ARFGEF2: variants seen among roughly 807,000 people sequenced by gnomAD.
ARFGEF2 encodes ARF guanine nucleotide exchange factor 2.
A neutral mutation model predicts 219.9 loss-of-function variants in ARFGEF2; 74 were observed. That is an observed-to-expected ratio of 0.34 (90% CI 0.28 to 0.41). The LOEUF (loss-of-function observed/expected upper bound fraction) is 0.41, where lower values mean the gene tolerates loss of function less well. ARFGEF2 is among the 10% of genes least tolerant of loss of function. The probability of loss-of-function intolerance (pLI) is 1.00; values close to 1 mark genes in which losing one functional copy is unlikely to be tolerated. For synonymous variants in ARFGEF2, 733 were observed against 799.2 expected, an observed-to-expected ratio of 0.92 and a Z score of 1.40; for missense variants, 1,743 against 2,218.3, an observed-to-expected ratio of 0.79 and a Z score of 4.30.
At position 48,982,854 on chromosome 20, in the gene ARFGEF2, G is replaced by A. The variant is rs189634462; in HGVS notation, c.1959-1875G>A. Among the ~76,000 whole-genome samples, 23 of 152,294 alleles carry A rather than the reference G, an allele frequency of 1.5e-4. No individual in the cohort carries two copies. The East Asian group carries it at 3.7e-3, about 24-fold the overall frequency. On this transcript the variant is annotated intron_variant, in intron 14 of 38. Transcript: ENST00000371917. ...GCCATTTGCTAAGACCATTGGAGAA[G>A]TGCAGTATTTGGGCAGGAGTGTCCC...
Position 48,953,694 on chromosome 20 carries a change from A to G in ARFGEF2, c.742A>G (p.Thr248Ala). Residue 248 changes from threonine (T) to alanine (A), a missense_variant, in exon 6 of 39, where the codon ACA (threonine) becomes GCA (alanine). Physicochemically the swap from Thr to Ala is moderately conservative, Grantham distance 58. Around this residue, in one of 5 missense-constraint regions of ARFGEF2, gnomAD observed 394 missense variants for 426.6 expected, o/e 0.92. Transcript: ENST00000371917. ...AAGCAAACCAACAACTCCCGAAAAA[A>G]CAGATTTAACCAACGGTGAACATGC... Reference protein sequence around the residue: ...AQSKPTTPEKTDLTNGEHARS... With the variant: ...AQSKPTTPEKADLTNGEHARS... 6.2e-7 allele frequency: 1 copy of G among 1,614,172 alleles called. No individual in the cohort carries two copies. Among genetic ancestry groups the G allele is most frequent in the South Asian group, 1.1e-5 (1 of 91,076 alleles).
At chr20:48,935,946 G>T (rs1353304997) in intron 1 of ARFGEF2, among the ~76,000 whole-genome samples, 2 of 138,762 alleles carry the variant, frequency 1.4e-5, no homozygotes, top group African/African-American at 2.9e-5. Flanking sequence ...CCGGGGGGGG[G>T]GGCTGACCCC....
intron 1 of ARFGEF2, among the ~76,000 whole-genome samples, chr20:48,935,814 C>T (rs1191656399): frequency 2.2e-5 from 3 of 138,954 alleles, no homozygotes; most frequent in African/African-American, 5.5e-5. Flanking sequence ...GCTGGCCGGG[C>T]GGGGGGCTGA....
chr20:48,929,402 A>G (rs1406735842), intron 1 of ARFGEF2, among the ~76,000 whole-genome samples: 2 of 152,266 alleles, frequency 1.3e-5, no homozygotes, highest in African/African-American at 2.4e-5. Flanking sequence ...TGACTAAACC[A>G]GACCCAACAT....
chr20:48,959,497 C>G (rs1456165101), intron 6 of ARFGEF2, among the ~76,000 whole-genome samples: 2 of 52,662 alleles, frequency 3.8e-5, no homozygotes, highest in Non-Finnish European at 3.9e-5. Flanking sequence ...CTCCCTCCCT[C>G]CTTCCTTCCC....
At chr20:49,013,720 C>T (rs2091514485) in intron 29 of ARFGEF2, 26 bp downstream of exon 29, 1 of 1,613,904 alleles carries the variant, frequency 6.2e-7, no homozygotes, top group Non-Finnish European at 8.5e-7. Flanking sequence ...TGCGGTGGCC[C>T]CTTACATCAC....
At chr20:48,967,592 C>T (rs2091196035) in intron 8 of ARFGEF2, among the ~76,000 whole-genome samples, 1 of 152,164 alleles carries the variant, frequency 6.6e-6, no homozygotes, top group Non-Finnish European at 1.5e-5. Flanking sequence ...GACCCCATCT[C>T]ATAAATAAAT....
intron 2 of ARFGEF2, 104 bp downstream of exon 2, chr20:48,941,333 A>G: frequency 2.4e-6 from 3 of 1,230,316 alleles, no homozygotes; most frequent in Non-Finnish European, 3.5e-6. Flanking sequence ...TCTAATCCTC[A>G]GGGGTGGCAC....
At chr20:49,006,246 A>T (rs2091458754) in intron 26 of ARFGEF2, among the ~76,000 whole-genome samples, 1 of 152,148 alleles carries the variant, frequency 6.6e-6, no homozygotes, top group Admixed American at 6.6e-5. Context: ...GTGAGCCAAG[A>T]TCACACCATT....
chr20:49,015,658 CTG>C (rs1227749061), intron 30 of ARFGEF2, among the ~76,000 whole-genome samples: 1 of 152,206 alleles, frequency 6.6e-6, no homozygotes, highest in Non-Finnish European at 1.5e-5. Context: ...GCAGATATCT[CTG>C]TAGCCATTTA....
At position 49,013,922 on chromosome 20, in the gene ARFGEF2, A is replaced by G; in HGVS notation, c.4141A>G (p.Ile1381Val). 6.2e-7 allele frequency: 1 copy of G among 1,613,986 alleles called. No homozygotes were observed. Among genetic ancestry groups the G allele is most frequent in the South Asian group, 1.1e-5 (1 of 91,070 alleles). ...WQDLFRIVFR[I>V]FDNMKLPEQL... is the part of the protein sequence containing the mutation. Reference sequence around the variant, plus strand: ...GGACCTGTTCAGAATCGTGTTTCGGATTTTTGACAATATGAAACTCCCTGA... The same window carrying G: ...GGACCTGTTCAGAATCGTGTTTCGGGTTTTTGACAATATGAAACTCCCTGA... The change falls in exon 30 of 39, where the codon ATT becomes GTT. Residue 1381 changes from isoleucine (I) to valine (V), a missense_variant. Transcript: ENST00000371917.
At chr20:48,932,124 G>A (rs1056106829) in intron 1 of ARFGEF2, among the ~76,000 whole-genome samples, 8 of 152,164 alleles carry the variant, frequency 5.3e-5, no homozygotes, top group African/African-American at 1.9e-4. Flanking sequence ...TCCTGAGAAG[G>A]CGGATAGGGA....
At chr20:49,032,767 A>G (rs1009788936) in intron 38 of ARFGEF2, among the ~76,000 whole-genome samples, 1 of 151,792 alleles carries the variant, frequency 6.6e-6, no homozygotes, top group Non-Finnish European at 1.5e-5. Context: ...AAGTTTTTGT[A>G]TTTTTGGTAG....
At chr20:49,006,781 C>A (rs2091462503) in intron 26 of ARFGEF2, among the ~76,000 whole-genome samples, 1 of 152,066 alleles carries the variant, frequency 6.6e-6, no homozygotes, top group South Asian at 2.1e-4. Flanking sequence ...AGGTGAAGTC[C>A]CTCCCAGTGG....
At chr20:48,972,632 A>G (rs1020165667) in intron 11 of ARFGEF2, among the ~76,000 whole-genome samples, 1 of 152,188 alleles carries the variant, frequency 6.6e-6, no homozygotes. Context: ...TTTAGCACTA[A>G]AAGTCTCATG....
intron 5 of ARFGEF2, 139 bp from the exon 6 acceptor site, chr20:48,953,417 C>T (rs2091084058): frequency 2.5e-6 from 2 of 791,618 alleles, no homozygotes; most frequent in South Asian, 2.9e-5. Flanking sequence ...TTCAAGAATT[C>T]CTGCTGCCTC....
rs1451046214 is a variant in ARFGEF2, at chr20:49,011,780, A to G, written c.3758-144A>G. The G allele has an allele frequency of 6.7e-6, 7 of 1,048,838 alleles. No homozygotes were observed. The Admixed American group carries it at 1.0e-4, about 15-fold the overall frequency. The allele number at this position is 1,048,838 out of a possible 1,614,324, so 65.0% of individuals were successfully genotyped here. ...ATTTAATAAGAAAAACTGTCTTCCA[A>G]AGATACTGACATGCTTTTCTTAGAT... On this transcript the variant is annotated intron_variant, in intron 27 of 38. Transcript: ENST00000371917.
Position 48,984,849 on chromosome 20 carries a change from TG to T in ARFGEF2, c.2070+14del, listed in dbSNP as rs749655276. 1 of 1,612,288 alleles carries T rather than the reference TG, an allele frequency of 6.2e-7. No homozygotes were observed. ...AGGAGCGCCTGGATTCCGTAAGGCT[TG>T]GGGGTGTAGCACTTGCATGTGAGTT... On this transcript the variant is annotated intron_variant, in intron 15 of 38. Coordinates refer to ENST00000371917, the MANE Select transcript of ARFGEF2 (RefSeq NM_006420.3).
Position 48,998,135 on chromosome 20 carries a change from C to T in ARFGEF2, c.3222-58C>T, listed in dbSNP as rs2091403261. 3.2e-6 allele frequency: 5 copies of T among 1,544,612 alleles called. No homozygotes were observed. In the African/African-American group the frequency reaches 4.1e-5, roughly 13 times the overall value. On this transcript the variant is annotated intron_variant, in intron 23 of 38. Transcript: ENST00000371917. ...TCGGCCTCCCAAAGTGCTGAGATTA[C>T]AGGTGTGAGCCACCACACCCGGTCT...
Sources: allele counts gnomAD v4.1 joint callset (sites outside exome capture counted in the v4.1 genomes callset), GRCh38; gene constraint gnomAD v4.1.1; regional missense constraint gnomAD v4.1.1; transcripts MANE v1.5; gene names NCBI Gene and HGNC (gene_info 2026-07-23, HGNC 2026-07-21).